C13orf42: variants seen among roughly 807,000 people sequenced by gnomAD.
The protein encoded by C13orf42 is uncharacterized protein C13orf42.
chr13:51,128,074 G>T (rs1953589746), intron 1 of C13orf42, among the ~76,000 whole-genome samples: 1 of 152,200 alleles, frequency 6.6e-6, no homozygotes, highest in Admixed American at 6.5e-5. Context: ...TCAGCACCAT[G>T]AGAGTTTACA....
At position 51,085,365 on chromosome 13, in the gene C13orf42, C is replaced by G. The variant is rs983408934; in HGVS notation, c.757G>C (p.Gly253Arg). 7.5e-5 allele frequency: 30 copies of G among 398,440 alleles called. No homozygotes were observed. The Admixed American group carries it at 9.7e-4, about 13-fold the overall frequency. 24.7% of individuals were successfully genotyped at this position (398,440 alleles called of 1,614,324 possible). Residue 253 changes from glycine to arginine, a missense_variant, in exon 3 of 4, where the codon GGG becomes CGG. Physicochemically the swap from Gly to Arg is moderately radical, Grantham distance 125. Coordinates refer to ENST00000563710, the MANE Select transcript of C13orf42 (RefSeq NM_001351589.3). ...TTAAATTTCCAGGTGTTGAAGGCCCCTTCCACAGCCTTGGGCAAATAAATG... is the reference window on the plus strand; with the variant it reads ...TTAAATTTCCAGGTGTTGAAGGCCCGTTCCACAGCCTTGGGCAAATAAATG... ...HPIYLPKAVE[G>R]AFNTWKFKPK...
At chr13:51,123,920 C>T (rs1414647660) in intron 1 of C13orf42, among the ~76,000 whole-genome samples, 1 of 152,098 alleles carries the variant, frequency 6.6e-6, no homozygotes, top group Non-Finnish European at 1.5e-5. Flanking sequence ...TAAACTGTCC[C>T]CGTAAAACAA....
chr13:51,161,792 A>G lies in C13orf42; in HGVS notation n.136+10461T>C, dbSNP rs538857050. Reference sequence around the variant, plus strand: ...CATTAAGCTCCTTGATTTCAGAACCATAACCAGGGAATCGTTAGGCACTGT... The same window carrying G: ...CATTAAGCTCCTTGATTTCAGAACCGTAACCAGGGAATCGTTAGGCACTGT... On this transcript the variant is annotated intron_variant and non_coding_transcript_variant, in intron 1 of 4. Transcript: ENST00000433280. The G allele has an allele frequency of 5.6e-5, 18 of 321,282 alleles. No individual in the cohort carries two copies. The South Asian group carries it at 6.1e-4, about 11-fold the overall frequency. The allele number at this position is 321,282 out of a possible 1,614,324, so 19.9% of individuals were successfully genotyped here.
At chr13:51,101,500 T>A (rs1261129623) in intron 1 of C13orf42, among the ~76,000 whole-genome samples, 1 of 152,138 alleles carries the variant, frequency 6.6e-6, no homozygotes, top group Non-Finnish European at 1.5e-5. Flanking sequence ...ACGCAAACCA[T>A]ATTCTATTCC....
At chr13:51,100,156 G>A (rs914061793) in intron 1 of C13orf42, among the ~76,000 whole-genome samples, 5 of 151,846 alleles carry the variant, frequency 3.3e-5, no homozygotes, top group African/African-American at 7.2e-5. Context: ...GATAGACAAA[G>A]GGATTGGTTT....
chr13:51,087,113 T>C (rs934627446), intron 2 of C13orf42, among the ~76,000 whole-genome samples: 2 of 152,202 alleles, frequency 1.3e-5, no homozygotes, highest in Non-Finnish European at 2.9e-5. Context: ...GGTGGGCAAG[T>C]CAAAGATTAA....
chr13:51,108,591 T>A (rs950387035), intron 1 of C13orf42, among the ~76,000 whole-genome samples: 1 of 152,186 alleles, frequency 6.6e-6, no homozygotes, highest in Non-Finnish European at 1.5e-5. Flanking sequence ...TATCCAACAT[T>A]TCAGAGTCAG....
chr13:51,093,378 G>A (rs1247932601), intron 1 of C13orf42, among the ~76,000 whole-genome samples: 1 of 152,180 alleles, frequency 6.6e-6, no homozygotes, highest in Non-Finnish European at 1.5e-5. Context: ...TGCTGGGAAT[G>A]TTCTACATCT....
chr13:51,167,806 C>A (rs975164294), intron 1 of C13orf42, among the ~76,000 whole-genome samples: 3 of 152,220 alleles, frequency 2.0e-5, no homozygotes, highest in African/African-American at 7.2e-5. Context: ...TGATTCTACC[C>A]AGGTATGATG....
chr13:51,172,072 G>A (rs1953958543), intron 1 of C13orf42: 4 of 152,120 alleles, frequency 2.6e-5, no homozygotes, highest in Admixed American at 6.5e-5. Flanking sequence ...CAGCACACAA[G>A]AACTTCCAAA....
intron 1 of C13orf42, among the ~76,000 whole-genome samples, chr13:51,093,908 AT>A (rs1252636896): frequency 1.3e-5 from 2 of 152,180 alleles, no homozygotes; most frequent in African/African-American, 4.8e-5. Context: ...CATATAATAA[AT>A]TGATACCCTA....
At chr13:51,109,600 T>A (rs1953403808) in intron 1 of C13orf42, among the ~76,000 whole-genome samples, 1 of 151,526 alleles carries the variant, frequency 6.6e-6, no homozygotes, top group African/African-American at 2.4e-5. Context: ...AAAAAAAAAT[T>A]TTAATTAGCC....
chr13:51,087,381 T>C, intron 2 of C13orf42, among the ~76,000 whole-genome samples: 1 of 152,218 alleles, frequency 6.6e-6, no homozygotes. Context: ...CAAATACAGT[T>C]TGTCCATTTC....
chr13:51,148,892 G>A (rs1216217993), intron 1 of C13orf42, among the ~76,000 whole-genome samples: 1 of 152,226 alleles, frequency 6.6e-6, no homozygotes, highest in Non-Finnish European at 1.5e-5. Flanking sequence ...GGACTCCACG[G>A]CTCAGGCTCC....
intron 1 of C13orf42, among the ~76,000 whole-genome samples, chr13:51,160,741 G>A (rs560288662): frequency 6.6e-6 from 1 of 151,962 alleles, no homozygotes; most frequent in Non-Finnish European, 1.5e-5. Context: ...AAAACTCTTA[G>A]CAAACTAGAA....
intron 1 of C13orf42, among the ~76,000 whole-genome samples, chr13:51,129,626 T>C (rs1953600566): frequency 6.6e-6 from 1 of 152,212 alleles, no homozygotes; most frequent in African/African-American, 2.4e-5. Context: ...CTTTCCTTTC[T>C]TTCTCTGTGC....
At chr13:51,160,885 A>T (rs531556971) in intron 1 of C13orf42, among the ~76,000 whole-genome samples, 2 of 151,156 alleles carry the variant, frequency 1.3e-5, no homozygotes, top group South Asian at 4.2e-4. Context: ...TGTGACCAGC[A>T]CCTCTAGCCA....
intron 1 of C13orf42, among the ~76,000 whole-genome samples, chr13:51,136,800 T>A (rs1953661392): frequency 6.6e-6 from 1 of 152,152 alleles, no homozygotes; most frequent in South Asian, 2.1e-4. Flanking sequence ...AAGCCAGAGG[T>A]GCTGAGGATG....
chr13:51,151,284 TGAGA>T (rs1338777691), intron 1 of C13orf42, among the ~76,000 whole-genome samples: 1 of 151,596 alleles, frequency 6.6e-6, no homozygotes, highest in East Asian at 1.9e-4. Flanking sequence ...AAATGAAATG[TGAGA>T]GAGACTCAGC....
Sources: allele counts gnomAD v4.1 joint callset (sites outside exome capture counted in the v4.1 genomes callset), GRCh38; gene constraint gnomAD v4.1.1; transcripts MANE v1.5; gene names NCBI Gene and HGNC (gene_info 2026-07-23, HGNC 2026-07-21).